Variants in ZFC3H1 observed in about 807,000 individuals in gnomAD.
ZFC3H1 encodes the protein zinc finger C3H1 domain-containing protein.
In ZFC3H1, 71 loss-of-function variants were observed where a neutral mutation model predicts 243.7. The observed-to-expected ratio is 0.29, with a 90% CI of 0.24 to 0.36. ZFC3H1 has a LOEUF of 0.36. ZFC3H1 is among the 10% of genes least tolerant of loss of function. The pLI, the probability that ZFC3H1 is intolerant of heterozygous loss-of-function variation, is 1.00. For synonymous variants in ZFC3H1, 838 were observed against 813.0 expected (o/e 1.03, Z -0.52); for missense variants, 1,966 against 2,317.1 (o/e 0.85, Z 3.11).
intron 13 of ZFC3H1, 102 bp from the exon 14 acceptor site, chr12:71,633,119 A>G: frequency 7.1e-7 from 1 of 1,408,794 alleles, no homozygotes; most frequent in Non-Finnish European, 9.5e-7. Flanking sequence ...ACTGAAAATA[A>G]AAATATTCCA....
intron 23 of ZFC3H1, 112 bp downstream of exon 23, chr12:71,623,992 G>A: frequency 8.8e-7 from 1 of 1,135,786 alleles, no homozygotes. Flanking sequence ...GAAAAACAAG[G>A]ATTCAAATCC....
chr12:71,623,313 C>T lies in ZFC3H1; in HGVS notation c.4744+47G>A, dbSNP rs770710365. On this transcript the variant is annotated intron_variant, in intron 24 of 34. Transcript: ENST00000378743. Reference sequence around the variant, plus strand: ...TAATGGGTAGTTAATGTTCTAAACACTGATGTTATAACAGTTGATATTACA... The same window carrying T: ...TAATGGGTAGTTAATGTTCTAAACATTGATGTTATAACAGTTGATATTACA... The T allele has an allele frequency of 4.2e-6, 6 of 1,436,082 alleles. No homozygotes were observed. In the South Asian group the frequency reaches 5.6e-5, roughly 13 times the overall value. 89.0% of individuals were successfully genotyped at this position (1,436,082 alleles called of 1,614,324 possible). A position where few individuals can be genotyped will look rare whatever the true frequency, so the allele number is the denominator to read the frequency against.
At chr12:71,623,029 TAA>T (rs34100899) in intron 24 of ZFC3H1, among the ~76,000 whole-genome samples, 171 of 144,832 alleles carry the variant, frequency 1.2e-3, no homozygotes, top group Middle Eastern at 3.7e-3. Context: ...AATGGACTGC[TAA>T]AAAAAAAAAA....
chr12:71,636,667 G>C lies in ZFC3H1; in HGVS notation c.1936-13C>G. On this transcript the variant is annotated splice_polypyrimidine_tract_variant and intron_variant, in intron 8 of 34. Transcript: ENST00000378743. ...TACTGGATGTTTCCTACATAAGGAA[G>C]AGAAAGACATTAAACATTCCTAAAT... The C allele has an allele frequency of 6.3e-7, 1 of 1,595,410 alleles. No homozygotes were observed. The highest frequency in any genetic ancestry group is 8.5e-7 in the Non-Finnish European group (1 of 1,175,092).
At chr12:71,640,624 A>G (rs1197199914) in intron 6 of ZFC3H1, among the ~76,000 whole-genome samples, 1 of 152,188 alleles carries the variant, frequency 6.6e-6, no homozygotes, top group Admixed American at 6.5e-5. Context: ...ATTACAGGGA[A>G]CGGGCAGGCT....
At chr12:71,623,335 T>G in intron 24 of ZFC3H1, 25 bp downstream of exon 24, 7 of 1,542,020 alleles carry the variant, frequency 4.5e-6, no homozygotes, top group Non-Finnish European at 6.2e-6. Flanking sequence ...CAGTTGATAT[T>G]ACAATTTATA....
chr12:71,635,318 A>T, intron 10 of ZFC3H1, 125 bp downstream of exon 10: 1 of 1,260,798 alleles, frequency 7.9e-7, no homozygotes, highest in Non-Finnish European at 1.1e-6. Flanking sequence ...ACAAATACTT[A>T]AAATATTTCC....
chr12:71,631,470 T>C (rs1230839272), intron 16 of ZFC3H1, among the ~76,000 whole-genome samples: 2 of 151,986 alleles, frequency 1.3e-5, no homozygotes, highest in East Asian at 3.8e-4. Context: ...AAATTAAAAA[T>C]CAAAAATTAA....
Position 71,615,449 on chromosome 12 carries a change from T to C in ZFC3H1, c.5145-133A>G. On this transcript the variant is annotated intron_variant, in intron 27 of 34. Transcript: ENST00000378743. ...TTTTAGAAAGCAATGAGACTTTCTT[T>C]TCATAGGTATACCATACCTCTTTGG... The C allele has an allele frequency of 9.4e-6, 6 of 640,026 alleles. No individual in the cohort carries two copies. The South Asian group carries it at 9.8e-5, about 10-fold the overall frequency. 39.6% of individuals were successfully genotyped at this position (640,026 alleles called of 1,614,324 possible). A position where few individuals can be genotyped will look rare whatever the true frequency, so the allele number is the denominator to read the frequency against.
rs911643265 is a variant in ZFC3H1 at position 71,645,353 on chromosome 12, A to G, written c.1081-278T>C. Among the ~76,000 whole-genome samples, 67 of 152,334 alleles carry G rather than the reference A, an allele frequency of 4.4e-4. 1 individual carries two copies. The highest frequency in any genetic ancestry group is 1.4e-3 in the Admixed American group (22 of 15,304). Reference sequence around the variant, plus strand: ...ACTGATAGAACACGATAATGCAAAAAAGAAAAGAGTTAGTAGCTAACATTT... The same window carrying G: ...ACTGATAGAACACGATAATGCAAAAGAGAAAAGAGTTAGTAGCTAACATTT... On this transcript the variant is annotated intron_variant, in intron 3 of 34. Transcript: ENST00000378743.
At chr12:71,625,910 A>C (rs1880152809) in intron 22 of ZFC3H1, among the ~76,000 whole-genome samples, 1 of 152,208 alleles carries the variant, frequency 6.6e-6, no homozygotes, top group Non-Finnish European at 1.5e-5. Context: ...ATTTAAAAGA[A>C]ACAATTTTTT....
At chr12:71,622,171 C>G (rs1880047393) in intron 24 of ZFC3H1, among the ~76,000 whole-genome samples, 1 of 152,186 alleles carries the variant, frequency 6.6e-6, no homozygotes, top group Admixed American at 6.5e-5. Flanking sequence ...ACTCCCCTAA[C>G]AGTAATGTCC....
Position 71,663,052 on chromosome 12 carries a change from T to A in ZFC3H1, c.559A>T (p.Ser187Cys), listed in dbSNP as rs1399033273. ...GGAGAGGGCTCTCGCCAGCTCTGAC[T>A]GCTGCTGAACCCGGATCCTGCTCCT... ...GGGAGSGFSS[S>C]QSWREPSPPR... The change falls in exon 1 of 35, where the codon AGT becomes TGT. Residue 187 changes from serine to cysteine, a missense_variant. Ser to Cys is a moderately radical substitution (Grantham distance 112, BLOSUM62 -1). This residue lies in a region of ZFC3H1 where 484 missense variants were observed against 449.7 expected (regional missense o/e 1.08). Transcript: ENST00000378743. The A allele has an allele frequency of 1.2e-6, 2 of 1,612,940 alleles. No individual in the cohort carries two copies. The highest frequency in any genetic ancestry group is 1.7e-6 in the Non-Finnish European group (2 of 1,179,734).
At chr12:71,661,004 TTAAAA>T (rs1376624892) in intron 1 of ZFC3H1, among the ~76,000 whole-genome samples, 6 of 151,632 alleles carry the variant, frequency 4.0e-5, no homozygotes, top group Non-Finnish European at 7.4e-5. Context: ...TTAAAAAAAT[TTAAAA>T]ACCATCCACA....
Position 71,644,818 on chromosome 12 carries a change from CA to C in ZFC3H1, c.1279+58del, listed in dbSNP as rs1007587641. On this transcript the variant is annotated intron_variant, in intron 4 of 34. Transcript: ENST00000378743. Reference sequence around the variant, plus strand: ...GGGCGACAAGAGCAAAACTCTGTCTCAAAAAACAAAAGAAAAGAAAACAAAA... The same window carrying C: ...GGGCGACAAGAGCAAAACTCTGTCTCAAAAACAAAAGAAAAGAAAACAAAA... 57 of 1,567,292 alleles carry C rather than the reference CA, an allele frequency of 3.6e-5. No individual in the cohort carries two copies. The South Asian group carries it at 5.8e-4, about 16-fold the overall frequency.
intron 9 of ZFC3H1, among the ~76,000 whole-genome samples, chr12:71,636,122 A>G (rs1287822289): frequency 6.6e-6 from 1 of 152,206 alleles, no homozygotes; most frequent in African/African-American, 2.4e-5. Context: ...TACACAAAGT[A>G]TACAAAGAGA....
At chr12:71,644,837 A>G in intron 4 of ZFC3H1, 40 bp downstream of exon 4, 1 of 1,588,370 alleles carries the variant, frequency 6.3e-7, no homozygotes, top group Non-Finnish European at 8.5e-7. Flanking sequence ...AAAGAAAAGA[A>G]AACAAAACAA....
rs571687557 is a variant in ZFC3H1 at position 71,631,719 on chromosome 12, A to T, written c.3470+59T>A. 5.7e-6 allele frequency: 8 copies of T among 1,397,486 alleles called. No individual in the cohort carries two copies. In the Admixed American group the frequency reaches 9.1e-5, roughly 16 times the overall value. 86.6% of individuals were successfully genotyped at this position (1,397,486 alleles called of 1,614,324 possible). A position where few individuals can be genotyped will look rare whatever the true frequency, so the allele number is the denominator to read the frequency against. ...CATTATCATCAAATATTCAAGATAAAATATTAAAAACCAAACAGAAATCCT... is the reference window on the plus strand; with the variant it reads ...CATTATCATCAAATATTCAAGATAATATATTAAAAACCAAACAGAAATCCT... On this transcript the variant is annotated intron_variant, in intron 16 of 34. Coordinates refer to ENST00000378743, the MANE Select transcript of ZFC3H1 (RefSeq NM_144982.5).
At chr12:71,613,504 A>C (rs1879823427) in intron 30 of ZFC3H1, 69 bp from the exon 31 acceptor site, 3 of 1,058,624 alleles carry the variant, frequency 2.8e-6, no homozygotes, top group Non-Finnish European at 2.8e-6. Context: ...TATGTGTTTT[A>C]ACACGAAAAC....
Sources: allele counts gnomAD v4.1 joint callset (sites outside exome capture counted in the v4.1 genomes callset), GRCh38; gene constraint gnomAD v4.1.1; regional missense constraint gnomAD v4.1.1; transcripts MANE v1.5; gene names NCBI Gene and HGNC (gene_info 2026-07-23, HGNC 2026-07-21).